MOK: variants seen among roughly 807,000 people sequenced by gnomAD.
The protein encoded by MOK is MAPK/MAK/MRK overlapping kinase.
MOK carries 59 observed loss-of-function variants against 54.2 expected under a neutral mutation model. The observed-to-expected ratio is 1.09, with a 90% CI of 0.88 to 1.35. MOK has a LOEUF of 1.35. Ranked by LOEUF, MOK falls within the 40% of genes most tolerant of loss-of-function variation. The pLI is 0.00. For synonymous variants in MOK, 210 were observed against 202.7 expected, an observed-to-expected ratio of 1.04 and a Z score of -0.31; for missense variants, 517 against 526.2, an observed-to-expected ratio of 0.98 and a Z score of 0.17.
At position 102,249,931 on chromosome 14, in the gene MOK, G is replaced by A. The variant is rs932838080; in HGVS notation, c.590+881C>T. Among the ~76,000 whole-genome samples the A allele has an allele frequency of 3.3e-5, 5 of 152,250 alleles. No individual in the cohort carries two copies. The highest frequency in any genetic ancestry group is 2.1e-4 in the South Asian group (1 of 4,822). On this transcript the variant is annotated intron_variant, in intron 7 of 11. Coordinates refer to ENST00000361847, the MANE Select transcript of MOK (RefSeq NM_014226.3). This position sits in a 1 kb window ranked among gnomAD's most constrained non-coding sequence, Gnocchi z 5.3. ...AGCCCAGTTTGGTGGCTGGTGCACC[G>A]TGGGCCGTCTTGTGCGCTGGTGAGA...
intron 1 of MOK, among the ~76,000 whole-genome samples, chr14:102,294,734 A>G (rs2071247859): frequency 6.6e-6 from 1 of 152,230 alleles, no homozygotes; most frequent in Non-Finnish European, 1.5e-5. Context: ...ATCAATTCCA[A>G]TTTGTGTTTC....
At chr14:102,277,927 T>C (rs758189950) in intron 2 of MOK, among the ~76,000 whole-genome samples, 5 of 152,162 alleles carry the variant, frequency 3.3e-5, no homozygotes, top group South Asian at 2.1e-4. Context: ...AATTCATACG[T>C]TGAAACCCTA....
intron 4 of MOK, among the ~76,000 whole-genome samples, chr14:102,256,095 GTTA>G (rs1373619583): frequency 2.0e-5 from 3 of 150,478 alleles, no homozygotes; most frequent in Non-Finnish European, 4.4e-5. Flanking sequence ...AGGCAAATGA[GTTA>G]TTATTATTTT....
chr14:102,250,996 A>C lies in MOK; in HGVS notation c.412-6T>G, dbSNP rs754879544. On this transcript the variant is annotated splice_polypyrimidine_tract_variant and splice_region_variant and intron_variant, in intron 6 of 11. Coordinates refer to ENST00000361847, the MANE Select transcript of MOK (RefSeq NM_014226.3). ...CCTAATTTCAGGACATCCTGCTGGA[A>C]GGGGAAAGAAGCAAGGACAAGTAAC... 6.2e-7 allele frequency: 1 copy of C among 1,613,470 alleles called. No homozygotes were observed. Among genetic ancestry groups the C allele is most frequent in the South Asian group, 1.1e-5 (1 of 91,054 alleles).
At position 102,231,693 on chromosome 14, in the gene MOK, A is replaced by C. The variant is rs1212538517; in HGVS notation, c.981+14T>G. ...CTGAGCTAGGCAGTCTCCGGCTCCG[A>C]TTTCGCTTAGTACCTGCTTTCTGCC... is the stretch of plus-strand genomic sequence containing the variant. On this transcript the variant is annotated intron_variant, in intron 10 of 11. Coordinates refer to ENST00000361847, the MANE Select transcript of MOK (RefSeq NM_014226.3). This position sits in a 1 kb window ranked among gnomAD's most constrained non-coding sequence, Gnocchi z 4.4. 2.5e-6 allele frequency: 4 copies of C among 1,605,712 alleles called. No homozygotes were observed. The highest frequency in any genetic ancestry group is 3.4e-6 in the Non-Finnish European group (4 of 1,174,722).
At chr14:102,271,596 T>C (rs1191527791) in intron 2 of MOK, among the ~76,000 whole-genome samples, 2 of 152,210 alleles carry the variant, frequency 1.3e-5, no homozygotes, top group Non-Finnish European at 2.9e-5. Context: ...TCTCGCTCTG[T>C]TGCCCAGGCT....
intron 1 of MOK, among the ~76,000 whole-genome samples, chr14:102,291,473 T>C (rs551152567): frequency 1.3e-5 from 2 of 152,264 alleles, no homozygotes; most frequent in East Asian, 3.9e-4. Flanking sequence ...AAGCAGACCC[T>C]CATACTGACC....
At chr14:102,283,951 T>C (rs994942095) in intron 1 of MOK, among the ~76,000 whole-genome samples, 3 of 152,174 alleles carry the variant, frequency 2.0e-5, no homozygotes, top group African/African-American at 7.2e-5. Context: ...TGATGTCATA[T>C]TGCAGCAGCA....
rs138376717 is a variant in MOK at position 102,238,776 on chromosome 14, G to A, written c.591-4987C>T. 9.1e-3 allele frequency among the ~76,000 whole-genome samples: 1,379 copies of A among 151,906 alleles called. 20 individuals carry two copies. Among genetic ancestry groups the A allele is most frequent in the African/African-American group, 0.032 (1,318 of 41,388 alleles). ...GCATGTCCCCTATATCTCCTCCTCC[G>A]CCCATATTTCTTCTCCCCTCACCTA... On this transcript the variant is annotated intron_variant, in intron 7 of 11. Coordinates refer to ENST00000361847, the MANE Select transcript of MOK (RefSeq NM_014226.3). The surrounding 1 kb of genome is among the most constrained non-coding windows in gnomAD (Gnocchi z 4.8).
intron 1 of MOK, among the ~76,000 whole-genome samples, chr14:102,288,422 G>A (rs2153179713): frequency 6.6e-6 from 1 of 152,284 alleles, no homozygotes; most frequent in South Asian, 2.1e-4. Flanking sequence ...CTAAGTGAAA[G>A]AAATCAGGCA....
chr14:102,265,846 A>C lies in MOK; in HGVS notation c.189T>G (p.Ile63Met), dbSNP rs201578878. The change falls in exon 3 of 12, where the codon ATT (isoleucine) becomes ATG (methionine). Residue 63 changes from isoleucine (I) to methionine (M), a missense_variant. Physicochemically the swap from Ile to Met is conservative, Grantham distance 10. Coordinates refer to ENST00000361847, the MANE Select transcript of MOK (RefSeq NM_014226.3). ...ACAAAACCACTTCATGCAACATAAG[A>C]ATGTTTGGGTGCGGATTCAGGCGCC... ...ALRRLNPHPN[I>M]LMLHEVVFDR... The C allele has an allele frequency of 6.2e-7, 1 of 1,613,972 alleles. No homozygotes were observed. The highest frequency in any genetic ancestry group is 1.3e-5 in the African/African-American group (1 of 75,042).
intron 1 of MOK, among the ~76,000 whole-genome samples, chr14:102,292,108 A>C (rs1215388328): frequency 6.6e-6 from 1 of 152,148 alleles, no homozygotes; most frequent in Non-Finnish European, 1.5e-5. Flanking sequence ...CCCTAATTTT[A>C]GGTCCTTTCC....
chr14:102,233,959 A>G, intron 7 of MOK, 170 bp from the exon 8 acceptor site: 1 of 586,850 alleles, frequency 1.7e-6, no homozygotes, highest in Non-Finnish European at 3.1e-6. Flanking sequence ...CGTAAACATC[A>G]CAAGGTGATA....
rs925612743 is a variant in MOK, at chr14:102,228,838, C to T, written c.*451G>A. On this transcript the variant is annotated 3_prime_UTR_variant, in exon 12 of 12. Transcript: ENST00000361847. ...ACTCGGAAAACATTAAAATGCAATA[C>T]TGTAACGACAGCTTATTCTTTAATA... 6.0e-6 allele frequency: 1 copy of T among 165,914 alleles called. No homozygotes were observed. The highest frequency in any genetic ancestry group is 2.4e-5 in the African/African-American group (1 of 41,804). 10.3% of individuals were successfully genotyped at this position (165,914 alleles called of 1,614,324 possible). A position where few individuals can be genotyped will look rare whatever the true frequency, so the allele number is the denominator to read the frequency against.
intron 1 of MOK, 141 bp downstream of exon 1, chr14:102,304,821 A>G (rs2072604731): frequency 1.7e-5 from 15 of 890,842 alleles, no homozygotes; most frequent in Non-Finnish European, 2.2e-5. Context: ...CCACATGCGG[A>G]GCCTCCCGGG....
intron 2 of MOK, among the ~76,000 whole-genome samples, chr14:102,269,752 C>T (rs1216242399): frequency 1.3e-5 from 2 of 152,092 alleles, no homozygotes; most frequent in East Asian, 1.9e-4. Context: ...GGATTACAGG[C>T]GTGAGCCACT....
chr14:102,225,252 G>T (rs187134799), downstream of MOK: 4 of 173,708 alleles, frequency 2.3e-5, no homozygotes, highest in South Asian at 5.4e-4. Flanking sequence ...GTAGAGATGG[G>T]GTCTCCTTAT....
chr14:102,275,563 CAA>C (rs35983579), intron 2 of MOK, among the ~76,000 whole-genome samples: 3 of 71,508 alleles, frequency 4.2e-5, no homozygotes, highest in Non-Finnish European at 8.9e-5. Flanking sequence ...GACTCCATCT[CAA>C]AAAAAAAAAA....
chr14:102,286,113 C>T (rs1424173608), intron 1 of MOK, among the ~76,000 whole-genome samples: 19 of 150,416 alleles, frequency 1.3e-4, no homozygotes, highest in East Asian at 2.0e-4. Flanking sequence ...TCCTGGCTAA[C>T]ACGGTGAAAC....
Sources: gnomAD v4.1 joint callset for allele counts (sites outside exome capture counted in the v4.1 genomes callset) on GRCh38, gnomAD v4.1.1 for gene constraint, Gnocchi (gnomAD v3.1) non-coding constraint, MANE v1.5 for transcripts, NCBI Gene and HGNC (gene_info 2026-07-23, HGNC 2026-07-21) for gene names.